PTDSS1: variants seen among roughly 807,000 people sequenced by gnomAD.
The protein encoded by PTDSS1 is phosphatidylserine synthase 1.
A neutral mutation model predicts 70.5 loss-of-function variants in PTDSS1; 45 were observed. The observed-to-expected ratio is 0.64, with a 90% CI of 0.50 to 0.82. The LOEUF (loss-of-function observed/expected upper bound fraction) is 0.82. Ranked by LOEUF, PTDSS1 falls within the 40% of genes least tolerant of loss-of-function variation. The probability of loss-of-function intolerance (pLI) is 0.00; values close to 1 mark genes in which losing one functional copy is unlikely to be tolerated. For missense variants in PTDSS1, 417 were observed against 586.1 expected (o/e 0.71, Z 2.98); for synonymous variants, 188 against 203.8 (o/e 0.92, Z 0.66).
At chr8:96,306,406 T>A in intron 7 of PTDSS1, 38 bp from the exon 8 acceptor site, 1 of 1,407,982 alleles carries the variant, frequency 7.1e-7, no homozygotes, top group Non-Finnish European at 1.0e-6. Flanking sequence ...TGAATTAGCA[T>A]GAGGTACCAG....
chr8:96,319,181 C>G (rs1015840930), intron 9 of PTDSS1, among the ~76,000 whole-genome samples: 5 of 151,936 alleles, frequency 3.3e-5, no homozygotes, highest in Non-Finnish European at 5.9e-5. Flanking sequence ...CCCAAAGTGC[C>G]GAGATCACAG....
chr8:96,312,070 TAA>T (rs1275470005), intron 9 of PTDSS1, among the ~76,000 whole-genome samples: 1 of 152,162 alleles, frequency 6.6e-6, no homozygotes, highest in East Asian at 1.9e-4. Context: ...TTGAGGGAAA[TAA>T]GTGGGTCAGA....
intron 9 of PTDSS1, among the ~76,000 whole-genome samples, chr8:96,319,613 G>A (rs556390430): frequency 1.4e-4 from 21 of 152,262 alleles, no homozygotes; most frequent in Admixed American, 9.8e-4. Flanking sequence ...AGAAGGCTGG[G>A]AAGGAATGTG....
rs1811177150 is a variant in PTDSS1 at position 96,309,595 on chromosome 8, G to A, written c.1046G>A (p.Arg349His). ...YAYLTDTQCK[R>H]VGTQCWVFGV... Reference sequence around the variant, plus strand: ...TACCTCACCGACACACAGTGCAAGCGCGTAGGAACACAATGCTGGGTGTTT... The same window carrying A: ...TACCTCACCGACACACAGTGCAAGCACGTAGGAACACAATGCTGGGTGTTT... The change falls in exon 9 of 13, where the codon CGC becomes CAC. Residue 349 changes from arginine to histidine, a missense_variant. Around this residue, in one of 3 missense-constraint regions of PTDSS1, gnomAD observed 272 missense variants for 429.5 expected, o/e 0.63. Coordinates refer to ENST00000517309, the MANE Select transcript of PTDSS1 (RefSeq NM_014754.3). 1.9e-6 allele frequency: 3 copies of A among 1,613,948 alleles called. No homozygotes were observed. The highest frequency in any genetic ancestry group is 2.5e-6 in the Non-Finnish European group (3 of 1,179,934).
At position 96,292,192 on chromosome 8, in the gene PTDSS1, C is replaced by T. The variant is rs190617400; in HGVS notation, c.442-2906C>T. 3.4e-5 allele frequency among the ~76,000 whole-genome samples: 5 copies of T among 146,370 alleles called. No individual in the cohort carries two copies. The East Asian group carries it at 8.3e-4, about 24-fold the overall frequency. On this transcript the variant is annotated intron_variant, in intron 4 of 12. Coordinates refer to ENST00000517309, the MANE Select transcript of PTDSS1 (RefSeq NM_014754.3). ...GCACGCACCTGTAATCCCAGCTACT[C>T]GGGAGGCTGAGACAGGAGAATCATT...
intron 1 of PTDSS1, among the ~76,000 whole-genome samples, chr8:96,265,856 C>T (rs1810479075): frequency 6.6e-6 from 1 of 152,202 alleles, no homozygotes; most frequent in Non-Finnish European, 1.5e-5. Context: ...CTTTGGGAAG[C>T]CAAGGTGGGA....
At chr8:96,327,278 TG>T (rs1811451156) in intron 10 of PTDSS1, among the ~76,000 whole-genome samples, 1 of 152,104 alleles carries the variant, frequency 6.6e-6, no homozygotes, top group Non-Finnish European at 1.5e-5. Flanking sequence ...TGACTGAGGC[TG>T]GGATACCTTA....
intron 11 of PTDSS1, 53 bp downstream of exon 11, chr8:96,330,334 C>A (rs77605576): frequency 1.3e-6 from 2 of 1,533,600 alleles, no homozygotes; most frequent in East Asian, 4.5e-5. Context: ...ACCCCGGGCT[C>A]GGCAAATTCG....
chr8:96,291,289 T>A (rs2130068295), intron 4 of PTDSS1, among the ~76,000 whole-genome samples: 1 of 152,204 alleles, frequency 6.6e-6, no homozygotes, highest in East Asian at 1.9e-4. Context: ...TTATGAAAAA[T>A]TTTAAACCTA....
At chr8:96,266,328 C>T (rs896581501) in intron 1 of PTDSS1, among the ~76,000 whole-genome samples, 1 of 152,164 alleles carries the variant, frequency 6.6e-6, no homozygotes, top group African/African-American at 2.4e-5. Context: ...CATTTCTCCT[C>T]GATTTAGAAC....
At chr8:96,322,771 A>G (rs1409195945) in intron 10 of PTDSS1, among the ~76,000 whole-genome samples, 1 of 152,202 alleles carries the variant, frequency 6.6e-6, no homozygotes, top group Non-Finnish European at 1.5e-5. Flanking sequence ...AGTCTCATCT[A>G]AATCAGATAT....
At chr8:96,263,685 G>A (rs1810447074) in intron 1 of PTDSS1, among the ~76,000 whole-genome samples, 1 of 152,158 alleles carries the variant, frequency 6.6e-6, no homozygotes, top group African/African-American at 2.4e-5. Flanking sequence ...TAGTCACAAG[G>A]ATTGAGAGAA....
chr8:96,330,831 T>G (rs1457595472), intron 11 of PTDSS1, 195 bp from the exon 12 acceptor site: 1 of 563,058 alleles, frequency 1.8e-6, no homozygotes, highest in African/African-American at 1.9e-5. Flanking sequence ...TGTGGAAGAT[T>G]GATTCTGCAT....
Position 96,279,137 on chromosome 8 carries a change from A to ATT in PTDSS1, c.272-4958_272-4957dup, listed in dbSNP as rs1172421875. 2.8e-4 allele frequency among the ~76,000 whole-genome samples: 40 copies of ATT among 141,210 alleles called. 1 individual carries two copies. The highest frequency in any genetic ancestry group is 2.6e-3 in the Admixed American group (37 of 14,114). The allele number at this position is 141,210 out of a possible 152,430, so 92.6% of individuals were successfully genotyped here. A position where few individuals can be genotyped will look rare whatever the true frequency, so the allele number is the denominator to read the frequency against. ...AGGTGCATGCCACCACGCCCAGCTA[A>ATT]TTTTTTTTTTTTTTTGTATTTTTAG... On this transcript the variant is annotated intron_variant, in intron 2 of 12. Coordinates refer to ENST00000517309, the MANE Select transcript of PTDSS1 (RefSeq NM_014754.3).
At chr8:96,301,528 GT>G (rs995803732) in intron 6 of PTDSS1, among the ~76,000 whole-genome samples, 5 of 150,848 alleles carry the variant, frequency 3.3e-5, no homozygotes, top group Admixed American at 6.6e-5. Context: ...GTTTGTTTTT[GT>G]TTTTTTTGAG....
chr8:96,314,831 C>T (rs1488490319), intron 9 of PTDSS1, among the ~76,000 whole-genome samples: 4 of 152,038 alleles, frequency 2.6e-5, no homozygotes, highest in East Asian at 1.9e-4. Flanking sequence ...CTCCTGACCT[C>T]GTGATCCGCC....
intron 4 of PTDSS1, chr8:96,287,494 A>G (rs1265076384): frequency 4.4e-6 from 1 of 227,136 alleles, no homozygotes; most frequent in African/African-American, 2.3e-5. Context: ...AGTAATACTT[A>G]CTTGGGGGTT....
At chr8:96,314,788 G>A (rs927591675) in intron 9 of PTDSS1, among the ~76,000 whole-genome samples, 17 of 152,096 alleles carry the variant, frequency 1.1e-4, no homozygotes, top group Non-Finnish European at 2.5e-4. Flanking sequence ...AGTAGAGACG[G>A]GGTTTCACCA....
At position 96,295,236 on chromosome 8, in the gene PTDSS1, ATTACCTGGG is replaced by A; in HGVS notation, c.581_589del (p.Ile194_Glu197delinsLys). 6.2e-7 allele frequency: 1 copy of A among 1,613,972 alleles called. No homozygotes were observed. Among genetic ancestry groups the A allele is most frequent in the Non-Finnish European group, 8.5e-7 (1 of 1,179,916 alleles). ...TTACGGTCTCTGCTGGACAATCAGT[ATTACCTGGG>A]AGCTGACTGAGGTAAGAAGGAGGGC... On this transcript the variant is annotated inframe_deletion, in exon 5 of 13. Coordinates refer to ENST00000517309, the MANE Select transcript of PTDSS1 (RefSeq NM_014754.3).
Sources: allele counts gnomAD v4.1 joint callset (sites outside exome capture counted in the v4.1 genomes callset), GRCh38; gene constraint gnomAD v4.1.1; regional missense constraint gnomAD v4.1.1; transcripts MANE v1.5; gene names NCBI Gene and HGNC (gene_info 2026-07-23, HGNC 2026-07-21).